ST18: variants seen among roughly 807,000 people sequenced by gnomAD.
ST18 encodes the protein suppression of tumorigenicity 18 protein.
In ST18, 50 loss-of-function variants were observed where a neutral mutation model predicts 110.0. The ratio of observed to expected loss-of-function variants is 0.45; its 90% CI spans 0.36 to 0.58. ST18 has a LOEUF of 0.58. ST18 is among the 20% of genes least tolerant of loss of function. The probability of loss-of-function intolerance (pLI) is 0.00; values close to 1 mark genes in which losing one functional copy is unlikely to be tolerated. For missense variants in ST18, 1,306 were observed against 1,280.1 expected (o/e 1.02, Z -0.31); for synonymous variants, 461 against 452.4 (o/e 1.02, Z -0.24).
rs1172203427 is a variant in ST18, at chr8:52,126,043, T to G, written c.2755+9A>C. The G allele has an allele frequency of 3.7e-6, 6 of 1,613,818 alleles. No individual in the cohort carries two copies. Among genetic ancestry groups the G allele is most frequent in the Non-Finnish European group, 4.2e-6 (5 of 1,179,766 alleles). ...CAGGAGGTGGTGACAGCCAGCCCTGTGCTCTTACCCCCAGTTGCTTTGAGC... is the reference window on the plus strand; with the variant it reads ...CAGGAGGTGGTGACAGCCAGCCCTGGGCTCTTACCCCCAGTTGCTTTGAGC... On this transcript the variant is annotated intron_variant, in intron 23 of 25. Coordinates refer to ENST00000689386, the MANE Select transcript of ST18 (RefSeq NM_001352837.2).
At chr8:52,360,875 C>T (rs1424121871) in intron 2 of ST18, among the ~76,000 whole-genome samples, 3 of 152,220 alleles carry the variant, frequency 2.0e-5, no homozygotes, top group Non-Finnish European at 2.9e-5. Context: ...GAACAGAACT[C>T]GAAAGGGAGG....
chr8:52,260,230 T>C (rs1188202922), intron 2 of ST18, among the ~76,000 whole-genome samples: 4 of 152,206 alleles, frequency 2.6e-5, no homozygotes, highest in African/African-American at 7.2e-5. Context: ...TATACCTGTA[T>C]GTATCTCTAT....
chr8:52,374,064 A>T (rs1831239694), intron 2 of ST18, among the ~76,000 whole-genome samples: 3 of 152,132 alleles, frequency 2.0e-5, no homozygotes, highest in African/African-American at 7.2e-5. Flanking sequence ...TCACTGAGAA[A>T]ATTCAACCAA....
At chr8:52,276,161 A>ACATACCACACAGG in intron 2 of ST18, among the ~76,000 whole-genome samples, 11 of 51,024 alleles carry the variant, frequency 2.2e-4, no homozygotes, top group East Asian at 5.8e-4. Flanking sequence ...CACGCACCAC[A>ACATACCACACAGG]CATACCATAT....
intron 11 of ST18, among the ~76,000 whole-genome samples, chr8:52,166,088 G>T (rs919048822): frequency 5.9e-5 from 9 of 152,172 alleles, no homozygotes; most frequent in Non-Finnish European, 1.0e-4. Context: ...GAGGACCATG[G>T]TGACTGCTCT....
intron 2 of ST18, among the ~76,000 whole-genome samples, chr8:52,322,223 G>A (rs1026324861): frequency 1.3e-5 from 2 of 152,180 alleles, no homozygotes; most frequent in African/African-American, 4.8e-5. Flanking sequence ...CAACCCATGA[G>A]TTCCTTTCTT....
intron 2 of ST18, among the ~76,000 whole-genome samples, chr8:52,335,932 C>T (rs924118340): frequency 9.2e-5 from 14 of 152,280 alleles, no homozygotes; most frequent in African/African-American, 3.4e-4. Flanking sequence ...ATAATCTCCA[C>T]ATGGCCTACA....
chr8:52,369,945 T>C (rs1829638162), intron 2 of ST18, among the ~76,000 whole-genome samples: 1 of 152,204 alleles, frequency 6.6e-6, no homozygotes, highest in Admixed American at 6.5e-5. Flanking sequence ...TTCCCTAGAA[T>C]AGCATGTGGC....
chr8:52,285,779 A>T (rs1033772110), intron 2 of ST18, among the ~76,000 whole-genome samples: 1 of 152,208 alleles, frequency 6.6e-6, no homozygotes, highest in African/African-American at 2.4e-5. Flanking sequence ...AGTGGTCTTC[A>T]ATGGCTCTTT....
At chr8:52,229,003 G>A (rs1345801459) in intron 3 of ST18, among the ~76,000 whole-genome samples, 1 of 152,028 alleles carries the variant, frequency 6.6e-6, no homozygotes, top group Non-Finnish European at 1.5e-5. Flanking sequence ...ATGAAGAAGG[G>A]GTGTCACAAA....
chr8:52,390,648 A>G (rs1838995010), intron 2 of ST18, among the ~76,000 whole-genome samples: 1 of 152,200 alleles, frequency 6.6e-6, no homozygotes, highest in Admixed American at 6.5e-5. Context: ...ATGATGGGCA[A>G]TAAGTGGACC....
chr8:52,118,267 A>C, intron 24 of ST18, 71 bp downstream of exon 24: 1 of 1,052,062 alleles, frequency 9.5e-7, no homozygotes, highest in South Asian at 1.6e-5. Flanking sequence ...ACAAGTTTTA[A>C]AATTTCAATG....
chr8:52,116,220 T>A, intron 25 of ST18, 55 bp downstream of exon 25: 1 of 1,582,690 alleles, frequency 6.3e-7, no homozygotes, highest in South Asian at 1.2e-5. Flanking sequence ...GGTAGATGCA[T>A]GATGACACTG....
At chr8:52,162,972 T>C (rs1381394885) in intron 13 of ST18, among the ~76,000 whole-genome samples, 1 of 152,212 alleles carries the variant, frequency 6.6e-6, no homozygotes, top group Non-Finnish European at 1.5e-5. Flanking sequence ...TAACTTGGTT[T>C]AGAGCCTTAA....
chr8:52,354,618 G>A (rs190272084), intron 2 of ST18, among the ~76,000 whole-genome samples: 39 of 152,280 alleles, frequency 2.6e-4, no homozygotes, highest in South Asian at 2.5e-3. Context: ...AGAAAGAGAC[G>A]AGGACCCTGG....
intron 2 of ST18, among the ~76,000 whole-genome samples, chr8:52,320,073 A>C (rs1342712526): frequency 6.6e-6 from 1 of 152,228 alleles, no homozygotes; most frequent in Non-Finnish European, 1.5e-5. Context: ...AGGAATGTCA[A>C]GAAAATTTGG....
At chr8:52,356,192 T>G (rs1396028910) in intron 2 of ST18, among the ~76,000 whole-genome samples, 4 of 152,178 alleles carry the variant, frequency 2.6e-5, no homozygotes, top group Non-Finnish European at 4.4e-5. Context: ...AAGCAGGAAC[T>G]GAAGGCTAAA....
rs144974820 is a variant in ST18 at position 52,344,861 on chromosome 8, C to T, written c.-465+64467G>A. On this transcript the variant is annotated intron_variant, in intron 2 of 25. Coordinates refer to ENST00000689386, the MANE Select transcript of ST18 (RefSeq NM_001352837.2). ...ATAACTTTGCAAGTTTTACCATGTG[C>T]CAATAACCATGTTTAGCACTTTATT... Among the ~76,000 whole-genome samples, 551 of 152,118 alleles carry T rather than the reference C, an allele frequency of 3.6e-3. 3 individuals are homozygous for T. The highest frequency in any genetic ancestry group is 0.013 in the African/African-American group (529 of 41,488).
Position 52,167,117 on chromosome 8 carries a change from C to G in ST18, c.1070-131G>C, listed in dbSNP as rs1415055156. On this transcript the variant is annotated intron_variant, in intron 10 of 25. Transcript: ENST00000689386. ...GTTATAAACATTCTTCTCACATCGC[C>G]TTGAACAAGACCCTCAACTAAGACC... 7.9e-6 allele frequency: 10 copies of G among 1,268,518 alleles called. No homozygotes were observed. The Admixed American group carries it at 1.2e-4, about 15-fold the overall frequency. 78.6% of individuals were successfully genotyped at this position (1,268,518 alleles called of 1,614,324 possible). A position where few individuals can be genotyped will look rare whatever the true frequency, so the allele number is the denominator to read the frequency against.
Sources: allele counts gnomAD v4.1 joint callset (sites outside exome capture counted in the v4.1 genomes callset), GRCh38; gene constraint gnomAD v4.1.1; transcripts MANE v1.5; gene names NCBI Gene and HGNC (gene_info 2026-07-23, HGNC 2026-07-21).